DLG2: variants seen among roughly 807,000 people sequenced by gnomAD.
DLG2 encodes disks large homolog 2.
Under a neutral mutation model 132.5 loss-of-function variants are expected in DLG2, and 45 were observed. The ratio of observed to expected loss-of-function variants is 0.34; its 90% CI spans 0.27 to 0.44. DLG2 has a LOEUF of 0.44. Ranked by LOEUF, DLG2 falls within the 20% of genes least tolerant of loss-of-function variation. The pLI is 1.00. For synonymous variants in DLG2, 424 were observed against 419.6 expected, an observed-to-expected ratio of 1.01 and a Z score of -0.13; for missense variants, 1,045 against 1,196.9, an observed-to-expected ratio of 0.87 and a Z score of 1.87.
intron 14 of DLG2, among the ~76,000 whole-genome samples, chr11:83,945,991 CTCTTTT>C (rs2083827306): frequency 8.6e-6 from 1 of 116,500 alleles, no homozygotes. Flanking sequence ...TTCTCTCTCT[CTCTTTT>C]TTTTTTTTTT....
At chr11:84,735,297 T>C (rs1009777324) in intron 6 of DLG2, among the ~76,000 whole-genome samples, 6 of 152,224 alleles carry the variant, frequency 3.9e-5, no homozygotes, top group African/African-American at 1.4e-4. Flanking sequence ...GGCTATTAAT[T>C]ATTGCCTCAA....
chr11:84,502,216 T>C (rs371118381), intron 7 of DLG2, among the ~76,000 whole-genome samples: 39 of 3,658 alleles, frequency 0.011, no homozygotes, highest in African/African-American at 0.028. Flanking sequence ...CCTTCCTTCC[T>C]TCCTTCCTTC....
intron 16 of DLG2, among the ~76,000 whole-genome samples, chr11:83,843,656 G>C (rs1170842086): frequency 6.6e-6 from 1 of 152,036 alleles, no homozygotes; most frequent in African/African-American, 2.4e-5. Flanking sequence ...CTGAGTTCTA[G>C]TTCTGGCTCT....
At chr11:84,883,335 G>C (rs569963945) in intron 6 of DLG2, among the ~76,000 whole-genome samples, 18 of 152,118 alleles carry the variant, frequency 1.2e-4, no homozygotes, top group African/African-American at 4.3e-4. Context: ...GGGAGGGATA[G>C]CATTAAGACA....
intron 3 of DLG2, among the ~76,000 whole-genome samples, chr11:85,294,243 C>A (rs2079086693): frequency 6.6e-6 from 1 of 151,744 alleles, no homozygotes; most frequent in African/African-American, 2.4e-5. Flanking sequence ...TATAACTTTT[C>A]TGTATATTTG....
At chr11:83,466,533 A>G (rs1408318349) in intron 26 of DLG2, among the ~76,000 whole-genome samples, 175 bp downstream of exon 26, 2 of 152,136 alleles carry the variant, frequency 1.3e-5, no homozygotes, top group African/African-American at 4.8e-5. Context: ...CACTGACATT[A>G]TGTTTCTAGT....
intron 19 of DLG2, among the ~76,000 whole-genome samples, chr11:83,562,953 T>C (rs1371567742): frequency 6.7e-6 from 1 of 149,962 alleles, no homozygotes; most frequent in African/African-American, 2.5e-5. Flanking sequence ...TTTCTGTTTT[T>C]GTTTCCCTAA....
Position 85,433,534 on chromosome 11 carries a change from C to G in DLG2, c.41-148169G>C, listed in dbSNP as rs533060183. Among the ~76,000 whole-genome samples the G allele has an allele frequency of 2.6e-5, 4 of 152,202 alleles. No homozygotes were observed. In the South Asian group the frequency reaches 8.3e-4, roughly 32 times the overall value. On this transcript the variant is annotated intron_variant, in intron 3 of 27. Transcript: ENST00000376104. Reference sequence around the variant, plus strand: ...AGTTTTGTCCTAGTCTCTGACAAAACAGGCTTTAAACCAACAAAGATCAAA... The same window carrying G: ...AGTTTTGTCCTAGTCTCTGACAAAAGAGGCTTTAAACCAACAAAGATCAAA...
chr11:84,858,795 A>T (rs2083148344), intron 6 of DLG2, among the ~76,000 whole-genome samples: 1 of 152,026 alleles, frequency 6.6e-6, no homozygotes, highest in South Asian at 2.1e-4. Context: ...AACTAACATC[A>T]TGGGAAATAG....
At chr11:83,465,184 CT>C (rs1042124517) in intron 26 of DLG2, among the ~76,000 whole-genome samples, 1 of 152,096 alleles carries the variant, frequency 6.6e-6, no homozygotes, top group African/African-American at 2.4e-5. Flanking sequence ...CCCGATCTTA[CT>C]TTTTTTATCC....
intron 21 of DLG2, 150 bp downstream of exon 21, chr11:83,532,558 C>A (rs2095780523): frequency 6.2e-6 from 4 of 645,596 alleles, no homozygotes; most frequent in Non-Finnish European, 1.1e-5. Context: ...CATCAGAAAT[C>A]ACATTATTAA....
intron 6 of DLG2, among the ~76,000 whole-genome samples, chr11:84,971,294 T>C (rs1045928146): frequency 3.9e-5 from 6 of 152,018 alleles, no homozygotes; most frequent in African/African-American, 1.5e-4. Flanking sequence ...CAGTATGCAA[T>C]CAAGCTAGAC....
At chr11:84,034,468 T>A (rs528245700) in intron 11 of DLG2, among the ~76,000 whole-genome samples, 1 of 152,172 alleles carries the variant, frequency 6.6e-6, no homozygotes, top group Non-Finnish European at 1.5e-5. Context: ...GAGGTATGCA[T>A]ATATAAATTT....
chr11:83,924,311 A>G (rs918101662), intron 15 of DLG2, among the ~76,000 whole-genome samples: 2 of 152,186 alleles, frequency 1.3e-5, no homozygotes, highest in African/African-American at 2.4e-5. Context: ...CTGCAAGGAA[A>G]GAAAGCTTGC....
At chr11:83,970,444 G>A (rs186043967) in intron 12 of DLG2, among the ~76,000 whole-genome samples, 27 of 152,254 alleles carry the variant, frequency 1.8e-4, no homozygotes, top group African/African-American at 6.3e-4. Flanking sequence ...AATAGTGGTA[G>A]TTCACTCAGT....
At chr11:84,463,256 T>C (rs182501660) in intron 7 of DLG2, among the ~76,000 whole-genome samples, 15 of 151,304 alleles carry the variant, frequency 9.9e-5, no homozygotes, top group African/African-American at 3.6e-4. Flanking sequence ...ACTACAGTAT[T>C]CCTCATGGGA....
At chr11:83,651,831 C>T (rs757648658) in intron 18 of DLG2, 1 of 471,078 alleles carries the variant, frequency 2.1e-6, no homozygotes, top group Non-Finnish European at 4.4e-6. Flanking sequence ...GAAAGATTTG[C>T]TCCCTACCTG....
intron 6 of DLG2, among the ~76,000 whole-genome samples, chr11:84,910,743 T>C (rs559754454): frequency 6.8e-6 from 1 of 148,062 alleles, no homozygotes; most frequent in East Asian, 2.0e-4. Context: ...CGAGATTCCC[T>C]TCCACAAAAA....
intron 6 of DLG2, among the ~76,000 whole-genome samples, chr11:84,944,200 G>A (rs1308660555): frequency 1.3e-5 from 2 of 152,052 alleles, no homozygotes; most frequent in Non-Finnish European, 2.9e-5. Flanking sequence ...TAAATGTTGT[G>A]CAGTAGTCTT....
Sources: gnomAD v4.1 joint callset for allele counts (sites outside exome capture counted in the v4.1 genomes callset) on GRCh38, gnomAD v4.1.1 for gene constraint, MANE v1.5 for transcripts, NCBI Gene and HGNC (gene_info 2026-07-23, HGNC 2026-07-21) for gene names.